The following PPP1CB variants were observed in gnomAD, a reference collection of about 807,000 sequenced individuals.
PPP1CB encodes protein phosphatase 1 catalytic subunit beta.
Under a neutral mutation model 43.7 loss-of-function variants are expected in PPP1CB, and 2 were observed. That is an observed-to-expected ratio of 0.05 (90% confidence interval 0.02 to 0.14). PPP1CB has a LOEUF of 0.14. Ranked by LOEUF, PPP1CB falls within the 10% of genes least tolerant of loss-of-function variation. PPP1CB has a pLI of 1.00. For synonymous variants in PPP1CB, 136 were observed against 135.6 expected, an observed-to-expected ratio of 1.00 and a Z score of -0.02; for missense variants, 84 against 398.0, an observed-to-expected ratio of 0.21 and a Z score of 6.71.
At chr2:28,753,229 C>G (rs1440328330) in intron 1 of PPP1CB, among the ~76,000 whole-genome samples, 1 of 152,178 alleles carries the variant, frequency 6.6e-6, no homozygotes, top group East Asian at 1.9e-4. Flanking sequence ...TGTTAGCCGC[C>G]GTCCAGCGAT....
intron 1 of PPP1CB, among the ~76,000 whole-genome samples, chr2:28,774,412 T>G (rs1393420720): frequency 1.3e-5 from 2 of 152,170 alleles, no homozygotes; most frequent in Admixed American, 6.6e-5. Flanking sequence ...TTTGAGACCC[T>G]TAATTCTTCC....
At chr2:28,762,193 A>G (rs1666671971) in intron 1 of PPP1CB, among the ~76,000 whole-genome samples, 1 of 152,150 alleles carries the variant, frequency 6.6e-6, no homozygotes, top group African/African-American at 2.4e-5. Context: ...GCTGAGGCAC[A>G]AGAATTGCTT....
chr2:28,774,716 G>A lies in PPP1CB; in HGVS notation c.53-2135G>A, dbSNP rs1339368605. ...GCTGGGATTACAGGCATGAGCCACC[G>A]CACCTGGTCACATTTTTTTTTTCTT... On this transcript the variant is annotated intron_variant, in intron 1 of 7. Coordinates refer to ENST00000395366, the MANE Select transcript of PPP1CB (RefSeq NM_002709.3). Among the ~76,000 whole-genome samples, 4 of 152,040 alleles carry A rather than the reference G, an allele frequency of 2.6e-5. No individual in the cohort carries two copies. In the South Asian group the frequency reaches 6.2e-4, roughly 24 times the overall value.
At chr2:28,759,756 T>TA (rs1464329055) in intron 1 of PPP1CB, among the ~76,000 whole-genome samples, 1 of 151,762 alleles carries the variant, frequency 6.6e-6, no homozygotes, top group Non-Finnish European at 1.5e-5. Context: ...TAGCTGGGAT[T>TA]ATAGGCGTGC....
At chr2:28,776,245 TG>T (rs1368138293) in intron 1 of PPP1CB, among the ~76,000 whole-genome samples, 1 of 151,488 alleles carries the variant, frequency 6.6e-6, no homozygotes, top group South Asian at 2.1e-4. Flanking sequence ...TTTTTGTTGT[TG>T]TTTTTTTTCT....
chr2:28,801,832 G>A lies in PPP1CB; in HGVS notation c.*2529G>A, dbSNP rs1053755717. On this transcript the variant is annotated 3_prime_UTR_variant, in exon 8 of 8. Transcript: ENST00000395366. ...TGGATTATAAAGCAAAGTTATGGTC[G>A]ATTTCTATTCTTGAAAGAATCAACT... 9 of 152,074 alleles carry A rather than the reference G, an allele frequency of 5.9e-5. No individual in the cohort carries two copies. Among genetic ancestry groups the A allele is most frequent in the African/African-American group, 1.2e-4 (5 of 41,410 alleles). 9.4% of individuals were successfully genotyped at this position (152,074 alleles called of 1,614,324 possible).
rs58673755 is a variant in PPP1CB at position 28,771,040 on chromosome 2, T to TCCCCC, written c.53-5804_53-5800dup. Among the ~76,000 whole-genome samples, 173 of 69,980 alleles carry TCCCCC rather than the reference T, an allele frequency of 2.5e-3. 1 individual carries two copies. The highest frequency in any genetic ancestry group is 9.1e-3 in the Middle Eastern group (1 of 110). 45.9% of individuals were successfully genotyped at this position (69,980 alleles called of 152,430 possible). A position where few individuals can be genotyped will look rare whatever the true frequency, so the allele number is the denominator to read the frequency against. On this transcript the variant is annotated intron_variant, in intron 1 of 7. Coordinates refer to ENST00000395366, the MANE Select transcript of PPP1CB (RefSeq NM_002709.3). ...CTAGACTTACCTACTTATTCCCTGC[T>TCCCCC]CCCCCCCCCCCACCCTTTTTTTTTT...
At chr2:28,777,651 G>A (rs1228977549) in intron 2 of PPP1CB, among the ~76,000 whole-genome samples, 1 of 152,064 alleles carries the variant, frequency 6.6e-6, no homozygotes, top group Non-Finnish European at 1.5e-5. Flanking sequence ...TTTTTTGTTT[G>A]TTTGGTTGGT....
intron 1 of PPP1CB, among the ~76,000 whole-genome samples, chr2:28,770,198 G>A (rs1016349470): frequency 6.6e-6 from 1 of 152,152 alleles, no homozygotes; most frequent in Non-Finnish European, 1.5e-5. Context: ...GGGAGGCAAA[G>A]GTTTCAGTGA....
At chr2:28,781,187 A>T (rs556859233) in intron 3 of PPP1CB, among the ~76,000 whole-genome samples, 1 of 152,194 alleles carries the variant, frequency 6.6e-6, no homozygotes, top group African/African-American at 2.4e-5. Context: ...AATCTTTGGG[A>T]TTTTTTAAGT....
chr2:28,752,066 C>T lies in PPP1CB; in HGVS notation c.-59C>T. ...AGAGAACGCCGAGCCGTCGCCGCAG[C>T]CTCCGCCGCCGAGAAGCCCTTGTTC... On this transcript the variant is annotated 5_prime_UTR_variant, in exon 1 of 8. Transcript: ENST00000395366. 1 of 1,511,990 alleles carries T rather than the reference C, an allele frequency of 6.6e-7. No individual in the cohort carries two copies. Among genetic ancestry groups the T allele is most frequent in the Non-Finnish European group, 9.0e-7 (1 of 1,111,814 alleles). The allele number at this position is 1,511,990 out of a possible 1,614,324, so 93.7% of individuals were successfully genotyped here.
At chr2:28,777,625 G>A (rs1308099635) in intron 2 of PPP1CB, among the ~76,000 whole-genome samples, 1 of 152,014 alleles carries the variant, frequency 6.6e-6, no homozygotes. Flanking sequence ...AGAGATACTC[G>A]CTAAGTAAAT....
Position 28,753,647 on chromosome 2 carries a change from CTG to C in PPP1CB, c.52+1473_52+1474del, listed in dbSNP as rs538981217. Among the ~76,000 whole-genome samples, 606 of 152,240 alleles carry C rather than the reference CTG, an allele frequency of 4.0e-3. 6 individuals are homozygous for C. Among genetic ancestry groups the C allele is most frequent in the African/African-American group, 0.014 (563 of 41,546 alleles). ...CTTTGAAAATAATTGTATTTTGTAA[CTG>C]TTTTATGAGGGAAATACAGTTAATT... On this transcript the variant is annotated intron_variant, in intron 1 of 7. Transcript: ENST00000395366.
At chr2:28,753,507 C>T (rs141147227) in intron 1 of PPP1CB, among the ~76,000 whole-genome samples, 1 of 152,308 alleles carries the variant, frequency 6.6e-6, no homozygotes, top group Non-Finnish European at 1.5e-5. Flanking sequence ...TCTTATTTAC[C>T]TTTTCCTTTA....
At chr2:28,759,286 C>T (rs1177694881) in intron 1 of PPP1CB, among the ~76,000 whole-genome samples, 2 of 152,130 alleles carry the variant, frequency 1.3e-5, no homozygotes, top group African/African-American at 4.8e-5. Flanking sequence ...GAGGCCAAGG[C>T]AGGTGGACCA....
At chr2:28,776,343 A>T (rs1394967083) in intron 1 of PPP1CB, among the ~76,000 whole-genome samples, 1 of 150,878 alleles carries the variant, frequency 6.6e-6, no homozygotes, top group Non-Finnish European at 1.5e-5. Flanking sequence ...GCTCACTGCA[A>T]CCTCTGCCCC....
intron 2 of PPP1CB, chr2:28,778,473 A>T (rs1444412961): frequency 2.1e-6 from 1 of 484,322 alleles, no homozygotes; most frequent in African/African-American, 2.0e-5. Context: ...TTCCTTATAG[A>T]CTGATGGACT....
intron 1 of PPP1CB, among the ~76,000 whole-genome samples, chr2:28,775,108 A>G (rs188589961): frequency 5.5e-4 from 84 of 151,902 alleles, no homozygotes; most frequent in African/African-American, 1.9e-3. Flanking sequence ...AATATGTGGA[A>G]TTTTATTTTA....
chr2:28,770,098 A>C (rs776586348), intron 1 of PPP1CB, among the ~76,000 whole-genome samples: 2 of 151,922 alleles, frequency 1.3e-5, no homozygotes, highest in African/African-American at 4.8e-5. Context: ...GTGAAACCCT[A>C]TCTCTACTAA....
Sources: gnomAD v4.1 joint callset for allele counts (sites outside exome capture counted in the v4.1 genomes callset) on GRCh38, gnomAD v4.1.1 for gene constraint, MANE v1.5 for transcripts, NCBI Gene and HGNC (gene_info 2026-07-23, HGNC 2026-07-21) for gene names.